The following AGBL4 variants were observed in gnomAD, a reference collection of about 807,000 sequenced individuals.
The protein encoded by AGBL4 is AGBL carboxypeptidase 4.
A neutral mutation model predicts 66.4 loss-of-function variants in AGBL4; 58 were observed. That is an observed-to-expected ratio of 0.87 (90% CI 0.71 to 1.09). The LOEUF (loss-of-function observed/expected upper bound fraction) is 1.09. AGBL4 is among the 50% of genes least tolerant of loss of function. The probability of loss-of-function intolerance (pLI) is 0.00; values close to 1 mark genes in which losing one functional copy is unlikely to be tolerated. For missense variants in AGBL4, 579 were observed against 631.0 expected (o/e 0.92, Z 0.88); for synonymous variants, 234 against 222.9 (o/e 1.05, Z -0.44).
chr1:50,008,129 G>C (rs1156368589), intron 1 of AGBL4, among the ~76,000 whole-genome samples: 1 of 152,114 alleles, frequency 6.6e-6, no homozygotes, highest in African/African-American at 2.4e-5. Context: ...AATCCATACA[G>C]AACATCAACA....
chr1:48,854,537 A>G (rs1239831433), intron 6 of AGBL4, among the ~76,000 whole-genome samples: 1 of 152,202 alleles, frequency 6.6e-6, no homozygotes, highest in Non-Finnish European at 1.5e-5. Flanking sequence ...AGGCTTTATA[A>G]TTCATATACT....
chr1:49,331,114 G>C (rs755233000), intron 3 of AGBL4, among the ~76,000 whole-genome samples: 6 of 152,164 alleles, frequency 3.9e-5, no homozygotes, highest in Non-Finnish European at 7.3e-5. Flanking sequence ...CTGACACACA[G>C]AGCTGTGTGG....
chr1:49,385,852 G>C (rs1644725337), intron 3 of AGBL4, among the ~76,000 whole-genome samples: 1 of 152,050 alleles, frequency 6.6e-6, no homozygotes, highest in Non-Finnish European at 1.5e-5. Flanking sequence ...AAAAGGGGAT[G>C]ATAACTCTAC....
At chr1:49,126,282 C>T (rs1645762434) in intron 4 of AGBL4, among the ~76,000 whole-genome samples, 1 of 152,128 alleles carries the variant, frequency 6.6e-6, no homozygotes, top group South Asian at 2.1e-4. Flanking sequence ...AACTAACTTG[C>T]CCAGGCTGCT....
intron 6 of AGBL4, among the ~76,000 whole-genome samples, chr1:48,684,717 T>G (rs1646504664): frequency 7.0e-6 from 1 of 142,802 alleles, no homozygotes; most frequent in Non-Finnish European, 1.5e-5. Flanking sequence ...AATAAAAACT[T>G]TTTTTTTTCT....
chr1:48,915,477 C>T (rs1653507937), intron 5 of AGBL4, among the ~76,000 whole-genome samples: 1 of 152,198 alleles, frequency 6.6e-6, no homozygotes, highest in South Asian at 2.1e-4. Context: ...TATCTCCCAT[C>T]TCCAGCCTGT....
chr1:49,755,827 A>G (rs1001653149), intron 2 of AGBL4, among the ~76,000 whole-genome samples: 1 of 152,144 alleles, frequency 6.6e-6, no homozygotes, highest in Non-Finnish European at 1.5e-5. Flanking sequence ...CCAATCTATC[A>G]CCCATATTTG....
chr1:48,646,841 C>T (rs1645844889), intron 8 of AGBL4, among the ~76,000 whole-genome samples: 1 of 152,086 alleles, frequency 6.6e-6, no homozygotes, highest in African/African-American at 2.4e-5. Flanking sequence ...CATCATACTA[C>T]CTCCATCATG....
chr1:48,583,388 C>T (rs936456140), intron 11 of AGBL4, among the ~76,000 whole-genome samples: 2 of 152,224 alleles, frequency 1.3e-5, no homozygotes, highest in African/African-American at 2.4e-5. Context: ...TTATGTCCTC[C>T]TGCTACAGAT....
chr1:49,057,629 C>T (rs1431795242), intron 4 of AGBL4, among the ~76,000 whole-genome samples: 2 of 152,038 alleles, frequency 1.3e-5, no homozygotes, highest in Admixed American at 6.6e-5. Flanking sequence ...CTTCCTTTGC[C>T]TAGCTGGTTT....
intron 6 of AGBL4, among the ~76,000 whole-genome samples, chr1:48,670,801 T>A (rs1646264852): frequency 1.3e-5 from 2 of 152,248 alleles, no homozygotes; most frequent in African/African-American, 4.8e-5. Context: ...CAGAGCCACC[T>A]ACTCAGAATA....
chr1:49,636,281 C>T (rs1036388784), intron 3 of AGBL4, among the ~76,000 whole-genome samples: 1 of 152,148 alleles, frequency 6.6e-6, no homozygotes, highest in African/African-American at 2.4e-5. Context: ...CTGACCACTT[C>T]CTGATTTGCA....
chr1:49,566,479 G>A (rs912867688), intron 3 of AGBL4, among the ~76,000 whole-genome samples: 1 of 152,154 alleles, frequency 6.6e-6, no homozygotes, highest in African/African-American at 2.4e-5. Context: ...GGTTTTTGGT[G>A]TGGATGTCCT....
intron 6 of AGBL4, among the ~76,000 whole-genome samples, chr1:48,724,169 A>G (rs530837808): frequency 6.6e-6 from 1 of 152,266 alleles, no homozygotes; most frequent in East Asian, 1.9e-4. Context: ...TAACACTGAC[A>G]ACCATTTAGC....
At chr1:49,521,481 C>A (rs940786205) in intron 3 of AGBL4, among the ~76,000 whole-genome samples, 1 of 151,714 alleles carries the variant, frequency 6.6e-6, no homozygotes, top group Admixed American at 6.6e-5. Context: ...GAATAGAGAA[C>A]CTAGAATAAA....
chr1:48,899,396 G>A (rs1451768566), intron 5 of AGBL4, among the ~76,000 whole-genome samples: 1 of 149,708 alleles, frequency 6.7e-6, no homozygotes, highest in Non-Finnish European at 1.5e-5. Flanking sequence ...AAGGAAAAAT[G>A]AAATTCTCAA....
chr1:48,707,712 G>C (rs1204039191), intron 6 of AGBL4, among the ~76,000 whole-genome samples: 3 of 152,144 alleles, frequency 2.0e-5, no homozygotes, highest in Admixed American at 6.5e-5. Context: ...GCGGCTGATG[G>C]GAACTGCCAA....
chr1:50,021,139 T>C (rs1662414728), intron 1 of AGBL4, among the ~76,000 whole-genome samples: 1 of 152,248 alleles, frequency 6.6e-6, no homozygotes, highest in Non-Finnish European at 1.5e-5. Flanking sequence ...CCCTTCATTT[T>C]ATATTGTTTG....
rs2148498487 is a variant in AGBL4 at position 48,695,518 on chromosome 1, T to C, written c.635-32277A>G. ...CACAATGGCCTCAGGACTTCAAAGC[T>C]GCTTTCCTTCAAATGCATCTGACTT... On this transcript the variant is annotated intron_variant, in intron 6 of 13. Transcript: ENST00000371839. Among the ~76,000 whole-genome samples the C allele has an allele frequency of 2.0e-5, 3 of 152,344 alleles. No individual in the cohort carries two copies. The South Asian group carries it at 6.2e-4, about 32-fold the overall frequency.
Sources: gnomAD v4.1 joint callset for allele counts (sites outside exome capture counted in the v4.1 genomes callset) on GRCh38, gnomAD v4.1.1 for gene constraint, MANE v1.5 for transcripts, NCBI Gene and HGNC (gene_info 2026-07-23, HGNC 2026-07-21) for gene names.